Variants in TMED3 observed in about 807,000 individuals in gnomAD.
TMED3 encodes transmembrane emp24 domain-containing protein 3.
In TMED3, 9 loss-of-function variants were observed where a neutral mutation model predicts 15.0. The observed-to-expected ratio is 0.60, with a 90% CI of 0.36 to 1.04. The LOEUF is 1.04. Ranked by LOEUF, TMED3 falls within the 50% of genes least tolerant of loss-of-function variation. The pLI, the probability that TMED3 is intolerant of heterozygous loss-of-function variation, is 0.01. For missense variants in TMED3, 267 were observed against 278.9 expected, an observed-to-expected ratio of 0.96 and a Z score of 0.30; for synonymous variants, 117 against 121.4, an observed-to-expected ratio of 0.96 and a Z score of 0.24.
At chr15:79,323,765 G>A (rs1344177824), downstream of TMED3, among the ~76,000 whole-genome samples, 5 of 152,092 alleles carry the variant, frequency 3.3e-5, no homozygotes, top group East Asian at 9.6e-4. Flanking sequence ...TGGAAACTAG[G>A]TTCTTTCAAC....
At chr15:79,403,504 T>A (rs1893862289) in intron 2 of TMED3, among the ~76,000 whole-genome samples, 1 of 152,140 alleles carries the variant, frequency 6.6e-6, no homozygotes, top group African/African-American at 2.4e-5. Flanking sequence ...TATCTCTTGG[T>A]GAAAAAGCAC....
In TMED3 at chr15:79,321,973, C is replaced by T; in HGVS notation, c.418-5C>T. 1 of 1,613,584 alleles carries T rather than the reference C, an allele frequency of 6.2e-7. No individual in the cohort carries two copies. Among genetic ancestry groups the T allele is most frequent in the Non-Finnish European group, 8.5e-7 (1 of 1,179,688 alleles). On this transcript the variant is annotated splice_region_variant and splice_polypyrimidine_tract_variant and intron_variant, in intron 2 of 2. Transcript: ENST00000299705. ...CAGTGTGACTGCTTTTCTCTTCCTG[C>T]CCAGATGGAGTCCGCCTGCGTGACC...
At chr15:79,385,854 C>T (rs915376164) in intron 2 of TMED3, among the ~76,000 whole-genome samples, 6 of 152,120 alleles carry the variant, frequency 3.9e-5, no homozygotes, top group African/African-American at 1.4e-4. Context: ...CAGTGCCAGC[C>T]GCAGCCAGTG....
intron 2 of TMED3, among the ~76,000 whole-genome samples, chr15:79,387,206 C>A (rs1425132925): frequency 2.0e-5 from 3 of 152,136 alleles, no homozygotes; most frequent in Non-Finnish European, 4.4e-5. Context: ...AGTCTATAAT[C>A]CCCCTGGATT....
At chr15:79,396,739 C>CCTGAAGTGAGACTTCAGGCAA (rs1182340804) in intron 2 of TMED3, among the ~76,000 whole-genome samples, 2 of 152,126 alleles carry the variant, frequency 1.3e-5, no homozygotes, top group African/African-American at 4.8e-5. Flanking sequence ...ATGTAGTTAG[C>CCTGAAGTGAGACTTCAGGCAA]CTGAAGTGAG....
intron 2 of TMED3, chr15:79,383,602 A>G (rs1226297250): frequency 1.3e-5 from 2 of 152,588 alleles, no homozygotes; most frequent in Non-Finnish European, 1.5e-5. Context: ...ATGTGTGACA[A>G]TATGCCTAGG....
intron 2 of TMED3, among the ~76,000 whole-genome samples, chr15:79,330,248 G>A (rs1348850791): frequency 1.3e-5 from 2 of 152,272 alleles, no homozygotes; most frequent in South Asian, 2.1e-4. Context: ...AATTCAAATT[G>A]TCCTTGTTTG....
chr15:79,352,366 G>T (rs1395564374), intron 2 of TMED3, among the ~76,000 whole-genome samples: 1 of 151,994 alleles, frequency 6.6e-6, no homozygotes, highest in Admixed American at 6.6e-5. Flanking sequence ...TCAAGCCTCT[G>T]AGCTCATGTC....
exon 3 of TMED3, chr15:79,412,915 T>C (rs1894010049): frequency 6.6e-6 from 1 of 152,148 alleles, no homozygotes; most frequent in African/African-American, 2.4e-5. Context: ...CTGATACCAA[T>C]CCCCTAGGGT....
At chr15:79,365,851 C>T (rs1893220304) in intron 2 of TMED3, among the ~76,000 whole-genome samples, 1 of 152,218 alleles carries the variant, frequency 6.6e-6, no homozygotes, top group Non-Finnish European at 1.5e-5. Flanking sequence ...GAATCCAGTC[C>T]TCTCGGTCCC....
intron 2 of TMED3, among the ~76,000 whole-genome samples, chr15:79,372,561 C>T (rs1324517385): frequency 6.6e-6 from 1 of 152,216 alleles, no homozygotes; most frequent in Non-Finnish European, 1.5e-5. Flanking sequence ...AACAAAGGCA[C>T]ATCTTATGTG....
At chr15:79,380,889 T>C (rs1893521803) in intron 2 of TMED3, among the ~76,000 whole-genome samples, 1 of 152,166 alleles carries the variant, frequency 6.6e-6, no homozygotes, top group South Asian at 2.1e-4. Flanking sequence ...TTGAAGACAG[T>C]ATTTTAAATT....
At chr15:79,331,378 C>T (rs538347595) in intron 2 of TMED3, among the ~76,000 whole-genome samples, 1 of 149,014 alleles carries the variant, frequency 6.7e-6, no homozygotes, top group Non-Finnish European at 1.5e-5. Flanking sequence ...AAAGTAGACC[C>T]TTATCTTTCA....
rs1326527887 is a variant in TMED3 at position 79,311,257 on chromosome 15, G to A, written c.8G>A (p.Ser3Asn). 1 of 1,600,548 alleles carries A rather than the reference G, an allele frequency of 6.2e-7. No individual in the cohort carries two copies. The highest frequency in any genetic ancestry group is 2.3e-5 in the East Asian group (1 of 44,254). The change falls in exon 1 of 3, where the codon AGC (serine) becomes AAC (asparagine). Residue 3 changes from serine (S) to asparagine (N), a missense_variant. Around this residue, in one of 3 missense-constraint regions of TMED3, gnomAD observed 59 missense variants for 47.0 expected, o/e 1.26. Transcript: ENST00000299705. Reference sequence around the variant, plus strand: ...GACGGGACCGAGAGCATCATGGGCAGCACTGTCCCGCGCTCCGCCTCCGTG... The same window carrying A: ...GACGGGACCGAGAGCATCATGGGCAACACTGTCCCGCGCTCCGCCTCCGTG... MG[S>N]TVPRSASVLL... is the part of the protein sequence containing the mutation.
chr15:79,369,428 C>G (rs563212860), intron 2 of TMED3, among the ~76,000 whole-genome samples: 3 of 152,180 alleles, frequency 2.0e-5, no homozygotes, highest in Non-Finnish European at 4.4e-5. Context: ...CTGGCTTCCT[C>G]CCCTGCTTTT....
At chr15:79,312,239 G>C (rs768406462) in intron 1 of TMED3, among the ~76,000 whole-genome samples, 1 of 152,254 alleles carries the variant, frequency 6.6e-6, no homozygotes, top group Non-Finnish European at 1.5e-5. Flanking sequence ...TATTTGACCA[G>C]TTCCTCTGTG....
chr15:79,388,819 C>T (rs984333672), intron 2 of TMED3, among the ~76,000 whole-genome samples: 4 of 151,996 alleles, frequency 2.6e-5, no homozygotes, highest in Non-Finnish European at 4.4e-5. Context: ...CATTGGGTTT[C>T]GATTTGCATT....
intron 2 of TMED3, among the ~76,000 whole-genome samples, chr15:79,362,035 G>C (rs565572835): frequency 2.0e-5 from 3 of 152,238 alleles, no homozygotes; most frequent in African/African-American, 4.8e-5. Context: ...ACTATGACTT[G>C]AAAGACATTT....
chr15:79,311,247 A>G lies in TMED3; in HGVS notation c.-3A>G. 1 of 1,597,644 alleles carries G rather than the reference A, an allele frequency of 6.3e-7. No individual in the cohort carries two copies. Among genetic ancestry groups the G allele is most frequent in the African/African-American group, 1.3e-5 (1 of 74,366 alleles). On this transcript the variant is annotated 5_prime_UTR_variant, in exon 1 of 3. Coordinates refer to ENST00000299705, the MANE Select transcript of TMED3 (RefSeq NM_007364.4). The stretch of plus-strand genomic sequence containing the variant: ...CGGCCCTCGAGACGGGACCGAGAGC[A>G]TCATGGGCAGCACTGTCCCGCGCTC...
Sources: allele counts gnomAD v4.1 joint callset (sites outside exome capture counted in the v4.1 genomes callset), GRCh38; gene constraint gnomAD v4.1.1; regional missense constraint gnomAD v4.1.1; transcripts MANE v1.5; gene names NCBI Gene and HGNC (gene_info 2026-07-23, HGNC 2026-07-21).